The following PRPF19 variants were observed in gnomAD, a reference collection of about 807,000 sequenced individuals.
PRPF19 encodes the protein pre-mRNA processing factor 19, also known as pre-mRNA-processing factor 19.
A neutral mutation model predicts 64.2 loss-of-function variants in PRPF19; 2 were observed. That is an observed-to-expected ratio of 0.03 (90% CI 0.01 to 0.10). The LOEUF (loss-of-function observed/expected upper bound fraction) is 0.10, where lower values mean the gene tolerates loss of function less well. Ranked by LOEUF, PRPF19 falls within the 10% of genes least tolerant of loss-of-function variation. The pLI is 1.00. For missense variants in PRPF19, 314 were observed against 650.0 expected (o/e 0.48, Z 5.62); for synonymous variants, 226 against 251.6 (o/e 0.90, Z 0.96).
chr11:60,900,974 C>A (rs770199585), intron 8 of PRPF19, 45 bp from the exon 9 acceptor site: 3 of 1,607,234 alleles, frequency 1.9e-6, no homozygotes, highest in Admixed American at 1.7e-5. Context: ...CAAATCACAG[C>A]AGGCCACAAA....
chr11:60,893,550 TTA>T (rs977826708), intron 15 of PRPF19, among the ~76,000 whole-genome samples: 1 of 151,746 alleles, frequency 6.6e-6, no homozygotes, highest in African/African-American at 2.4e-5. Flanking sequence ...CGTTACTGGT[TTA>T]TGTACAGACA....
At position 60,900,568 on chromosome 11, in the gene PRPF19, GGA is replaced by G; in HGVS notation, c.828+12_828+13del. ...AGGAAAGAAGAACCAAGGGTGGCGA[GGA>G]GAACCCCTTACCTGGGAAGGGTGAA... On this transcript the variant is annotated intron_variant, in intron 10 of 15. Coordinates refer to ENST00000227524, the MANE Select transcript of PRPF19 (RefSeq NM_014502.5). 2 of 1,530,630 alleles carry G rather than the reference GGA, an allele frequency of 1.3e-6. No homozygotes were observed. Among genetic ancestry groups the G allele is most frequent in the Non-Finnish European group, 1.8e-6 (2 of 1,128,276 alleles). 94.8% of individuals were successfully genotyped at this position (1,530,630 alleles called of 1,614,324 possible). A position where few individuals can be genotyped will look rare whatever the true frequency, so the allele number is the denominator to read the frequency against.
intron 15 of PRPF19, among the ~76,000 whole-genome samples, chr11:60,891,742 C>G (rs1016327812): frequency 2.6e-5 from 4 of 152,174 alleles, no homozygotes; most frequent in Non-Finnish European, 4.4e-5. Context: ...AACATCTGGC[C>G]AAATTCCTTC....
chr11:60,901,417 T>C (rs750013254), intron 7 of PRPF19, 48 bp from the exon 8 acceptor site: 1 of 1,613,514 alleles, frequency 6.2e-7, no homozygotes, highest in Non-Finnish European at 8.5e-7. Context: ...GAATCCAAGA[T>C]TCAGCCGCCC....
intron 15 of PRPF19, among the ~76,000 whole-genome samples, chr11:60,892,862 A>G (rs1460512528): frequency 6.6e-6 from 1 of 152,124 alleles, no homozygotes; most frequent in Non-Finnish European, 1.5e-5. Flanking sequence ...GTCATGCATT[A>G]TTTATCTAAG....
rs937328699 is a variant in PRPF19 at position 60,902,142 on chromosome 11, C to T, written c.525+261G>A. Among the ~76,000 whole-genome samples the T allele has an allele frequency of 7.2e-5, 11 of 152,200 alleles. No homozygotes were observed. The highest frequency in any genetic ancestry group is 2.4e-4 in the African/African-American group (10 of 41,434). ...ATGAAATCTTTTAAATTCCCACAGCCTGCCTATACAGTGGATATGATCATA... is the reference window on the plus strand; with the variant it reads ...ATGAAATCTTTTAAATTCCCACAGCTTGCCTATACAGTGGATATGATCATA... On this transcript the variant is annotated intron_variant, in intron 6 of 15. Transcript: ENST00000227524. This position sits in a 1 kb window ranked among gnomAD's most constrained non-coding sequence, Gnocchi z 5.0.
chr11:60,898,403 C>A lies in PRPF19; in HGVS notation c.1141-132G>T. Reference sequence around the variant, plus strand: ...GGACAGCCAGCGGGACCCCCCAGACCACACCATCATATCACACACGCACAG... The same window carrying A: ...GGACAGCCAGCGGGACCCCCCAGACAACACCATCATATCACACACGCACAG... On this transcript the variant is annotated intron_variant, in intron 13 of 15. Coordinates refer to ENST00000227524, the MANE Select transcript of PRPF19 (RefSeq NM_014502.5). This position sits in a 1 kb window ranked among gnomAD's most constrained non-coding sequence, Gnocchi z 4.6. 1 of 1,525,642 alleles carries A rather than the reference C, an allele frequency of 6.6e-7. No homozygotes were observed. Among genetic ancestry groups the A allele is most frequent in the Non-Finnish European group, 8.9e-7 (1 of 1,129,454 alleles). The allele number at this position is 1,525,642 out of a possible 1,614,324, so 94.5% of individuals were successfully genotyped here.
At chr11:60,905,743 G>C (rs1856038089) in intron 1 of PRPF19, among the ~76,000 whole-genome samples, 1 of 152,220 alleles carries the variant, frequency 6.6e-6, no homozygotes, top group African/African-American at 2.4e-5. Flanking sequence ...GAATTCTTGT[G>C]AGGATAAAAT....
In PRPF19 at chr11:60,900,890, C is replaced by A; in HGVS notation, c.682G>T (p.Asp228Tyr). ...TTGTTGGTGTCGGACGGGCAGAGGT[C>A]CAGGGCCAGGATCCCAGGAATGCTG... ...SASIPGILAL[D>Y]LCPSDTNKIL... is the part of the protein sequence containing the mutation. The change falls in exon 9 of 16, where the codon GAC (aspartate) becomes TAC (tyrosine). Residue 228 changes from aspartate (D) to tyrosine (Y), a missense_variant. This residue lies in a region of PRPF19 where 175 missense variants were observed against 342.9 expected (regional missense o/e 0.51). Coordinates refer to ENST00000227524, the MANE Select transcript of PRPF19 (RefSeq NM_014502.5). The A allele has an allele frequency of 3.1e-6, 5 of 1,614,102 alleles. No homozygotes were observed. The highest frequency in any genetic ancestry group is 4.2e-6 in the Non-Finnish European group (5 of 1,180,020).
chr11:60,904,938 T>C (rs1856026604), intron 1 of PRPF19, among the ~76,000 whole-genome samples: 1 of 152,070 alleles, frequency 6.6e-6, no homozygotes, highest in African/African-American at 2.4e-5. Context: ...AGGTGACCAG[T>C]CCCCATCCTG....
chr11:60,906,170 T>TGTAAACTGCGGGGCACTGC (rs1456894924), intron 1 of PRPF19, among the ~76,000 whole-genome samples, 194 bp downstream of exon 1: 1 of 152,200 alleles, frequency 6.6e-6, no homozygotes, highest in East Asian at 1.9e-4. Flanking sequence ...TCAGGCACTA[T>TGTAAACTGCGGGGCACTGC]GTAAACTGCG....
intron 10 of PRPF19, among the ~76,000 whole-genome samples, chr11:60,899,960 T>A (rs1402446511): frequency 6.6e-6 from 1 of 152,200 alleles, no homozygotes; most frequent in African/African-American, 2.4e-5. Flanking sequence ...TTGAACAAAT[T>A]TAGTCATGAA....
rs1267894559 is a variant in PRPF19, at chr11:60,902,850, C to T, written c.278G>A (p.Arg93His). The T allele has an allele frequency of 1.2e-6, 2 of 1,613,722 alleles. No homozygotes were observed. The highest frequency in any genetic ancestry group is 1.7e-5 in the Admixed American group (1 of 59,960). The change falls in exon 4 of 16, where the codon CGC (arginine) becomes CAC (histidine). Residue 93 changes from arginine to histidine, a missense_variant. Arg to His is a conservative substitution (Grantham distance 29, BLOSUM62 0). Coordinates refer to ENST00000227524, the MANE Select transcript of PRPF19 (RefSeq NM_014502.5). This position sits in a 1 kb window ranked among gnomAD's most constrained non-coding sequence, Gnocchi z 5.0. ...DAVMLHSFTL[R>H]QQLQTTRQEL... ...TTGGCGGGTTGTCTGCAGCTGCTGG[C>T]GCAGAGTGAAGCTGTGCAGCATGAC...
chr11:60,897,246 T>C (rs950777258), intron 15 of PRPF19, among the ~76,000 whole-genome samples: 1 of 152,226 alleles, frequency 6.6e-6, no homozygotes, highest in Non-Finnish European at 1.5e-5. Context: ...TACCATTGTG[T>C]TATAATTGTA....
chr11:60,904,493 A>G (rs1379411635), intron 1 of PRPF19, among the ~76,000 whole-genome samples: 1 of 152,186 alleles, frequency 6.6e-6, no homozygotes, highest in African/African-American at 2.4e-5. Flanking sequence ...TCAGATGCCA[A>G]TCGCAAGCCC....
intron 10 of PRPF19, among the ~76,000 whole-genome samples, chr11:60,899,928 G>A (rs1448755997): frequency 6.6e-6 from 1 of 152,104 alleles, no homozygotes; most frequent in Non-Finnish European, 1.5e-5. Context: ...TACCCCATAA[G>A]CAAGAAAACA....
chr11:60,902,320 T>C lies in PRPF19; in HGVS notation c.525+83A>G. ...CACCACTCAACTCCCAAAAGCACAG[T>C]GATTTTAGTCACGATGGACTCCAGA... On this transcript the variant is annotated intron_variant, in intron 6 of 15. Coordinates refer to ENST00000227524, the MANE Select transcript of PRPF19 (RefSeq NM_014502.5). The surrounding 1 kb of genome is among the most constrained non-coding windows in gnomAD (Gnocchi z 5.0). The C allele has an allele frequency of 6.8e-7, 1 of 1,471,500 alleles. No individual in the cohort carries two copies. The highest frequency in any genetic ancestry group is 9.5e-7 in the Non-Finnish European group (1 of 1,057,932). The allele number at this position is 1,471,500 out of a possible 1,614,324, so 91.2% of individuals were successfully genotyped here. A position where few individuals can be genotyped will look rare whatever the true frequency, so the allele number is the denominator to read the frequency against.
chr11:60,904,539 G>GTC (rs1309493069), intron 1 of PRPF19, among the ~76,000 whole-genome samples: 1 of 152,158 alleles, frequency 6.6e-6, no homozygotes, highest in East Asian at 1.9e-4. Flanking sequence ...TCTACCAGCT[G>GTC]TAAATCAGGG....
chr11:60,897,147 A>AATTT (rs1273187578), intron 15 of PRPF19, among the ~76,000 whole-genome samples: 1 of 152,222 alleles, frequency 6.6e-6, no homozygotes, highest in Non-Finnish European at 1.5e-5. Flanking sequence ...GGCAAGCACT[A>AATTT]TACCAGTGTA....
Sources: gnomAD v4.1 joint callset for allele counts (sites outside exome capture counted in the v4.1 genomes callset) on GRCh38, gnomAD v4.1.1 for gene constraint, gnomAD v4.1.1 regional missense constraint, Gnocchi (gnomAD v3.1) non-coding constraint, MANE v1.5 for transcripts, NCBI Gene and HGNC (gene_info 2026-07-23, HGNC 2026-07-21) for gene names.